Variants in SCIMP observed in about 807,000 individuals in gnomAD.
SCIMP encodes SLP adapter and CSK-interacting membrane protein.
A neutral mutation model predicts 22.0 loss-of-function variants in SCIMP; 18 were observed. The observed-to-expected ratio is 0.82, with a 90% CI of 0.56 to 1.21. The LOEUF is 1.21. Among genes scored for constraint, SCIMP ranks in the 50% most tolerant of loss-of-function variants. The pLI, the probability that SCIMP is intolerant of heterozygous loss-of-function variation, is 0.00. For missense variants in SCIMP, 155 were observed against 171.2 expected (o/e 0.91, Z 0.53); for synonymous variants, 53 against 62.2 (o/e 0.85, Z 0.70).
In SCIMP at chr17:5,223,459, G is replaced by T. The variant is rs756440354; in HGVS notation, c.22-3C>A. On this transcript the variant is annotated splice_region_variant and splice_polypyrimidine_tract_variant and intron_variant, in intron 1 of 4. Coordinates refer to ENST00000574081, the MANE Select transcript of SCIMP (RefSeq NM_207103.3). ...CACCAGCTCATTGCAGTGGAATCCT[G>T]AGAAGAATGGAGAGAGAAGAATGAG... The T allele has an allele frequency of 2.3e-5, 37 of 1,613,476 alleles. No individual in the cohort carries two copies. The highest frequency in any genetic ancestry group is 3.1e-5 in the Non-Finnish European group (37 of 1,179,572).
intron 2 of SCIMP, 48 bp downstream of exon 2, chr17:5,223,285 T>A: frequency 1.2e-6 from 2 of 1,608,678 alleles, no homozygotes; most frequent in Non-Finnish European, 1.7e-6. Context: ...ACTGCACCGA[T>A]AACCACCTGG....
At position 5,215,016 on chromosome 17, in the gene SCIMP, G is replaced by A. The variant is rs1339858935; in HGVS notation, c.210-18C>T. ...GAACATTCCTAGAGAGAGAGAAAGAGAGAGAATCAGTGTTTGGTTTGGGCC... is the reference window on the plus strand; with the variant it reads ...GAACATTCCTAGAGAGAGAGAAAGAAAGAGAATCAGTGTTTGGTTTGGGCC... On this transcript the variant is annotated intron_variant, in intron 3 of 4. Coordinates refer to ENST00000574081, the MANE Select transcript of SCIMP (RefSeq NM_207103.3). 1.9e-6 allele frequency: 3 copies of A among 1,559,688 alleles called. No individual in the cohort carries two copies. Among genetic ancestry groups the A allele is most frequent in the South Asian group, 2.2e-5 (2 of 89,774 alleles).
chr17:5,234,641 G>C, intron 1 of SCIMP, 94 bp downstream of exon 1: 1 of 1,340,240 alleles, frequency 7.5e-7, no homozygotes, highest in Non-Finnish European at 1.1e-6. Context: ...AGTGCTGATC[G>C]GTGGCTCCCA....
rs144626075 is a variant in SCIMP at position 5,231,278 on chromosome 17, A to G, written c.21+3457T>C. Among the ~76,000 whole-genome samples, 683 of 151,486 alleles carry G rather than the reference A, an allele frequency of 4.5e-3. 7 individuals are homozygous for G. Among genetic ancestry groups the G allele is most frequent in the African/African-American group, 0.016 (661 of 41,252 alleles). ...GGAAGGCTGAGGGAGAATCATTTGA[A>G]CCCAGGAGGTAGAGGTTGCAGTGAG... On this transcript the variant is annotated intron_variant, in intron 1 of 4. Coordinates refer to ENST00000574081, the MANE Select transcript of SCIMP (RefSeq NM_207103.3).
intron 3 of SCIMP, chr17:5,220,886 C>T: frequency 3.0e-6 from 1 of 338,252 alleles, no homozygotes; most frequent in Non-Finnish European, 5.7e-6. Context: ...GGCGAAACCC[C>T]ATTTCTACTA....
At chr17:5,219,385 G>T (rs1778030122) in intron 3 of SCIMP, among the ~76,000 whole-genome samples, 2 of 151,994 alleles carry the variant, frequency 1.3e-5, no homozygotes, top group African/African-American at 4.8e-5. Flanking sequence ...CGAGCACTTT[G>T]GGAGGCCAAG....
intron 1 of SCIMP, among the ~76,000 whole-genome samples, chr17:5,232,389 A>AGT (rs1173984122): frequency 1.4e-4 from 22 of 152,090 alleles, no homozygotes; most frequent in East Asian, 7.7e-4. Flanking sequence ...TAAACAGTGC[A>AGT]GTATAAACAG....
At chr17:5,214,648 G>C (rs2074550674) in intron 4 of SCIMP, 2 of 367,036 alleles carry the variant, frequency 5.4e-6, no homozygotes, top group Non-Finnish European at 9.8e-6. Flanking sequence ...AGACCATCCT[G>C]GCTAACGCGG....
chr17:5,212,521 C>G (rs2074533080), intron 4 of SCIMP, among the ~76,000 whole-genome samples: 1 of 152,176 alleles, frequency 6.6e-6, no homozygotes. Flanking sequence ...GTAGTCCCAG[C>G]TACCCAGGAG....
chr17:5,233,645 A>AGAGGC (rs2074720198), intron 1 of SCIMP, among the ~76,000 whole-genome samples: 1 of 152,192 alleles, frequency 6.6e-6, no homozygotes, highest in South Asian at 2.1e-4. Flanking sequence ...TGCTGGGATT[A>AGAGGC]GAGGCGTGAG....
At chr17:5,221,659 A>G (rs982165074) in intron 2 of SCIMP, among the ~76,000 whole-genome samples, 1 of 152,220 alleles carries the variant, frequency 6.6e-6, no homozygotes, top group Non-Finnish European at 1.5e-5. Context: ...CTGTAGATGG[A>G]CATACACGTT....
In SCIMP at chr17:5,223,579, G is replaced by T. The variant is rs1250242276; in HGVS notation, c.22-123C>A. Reference sequence around the variant, plus strand: ...CTTTTCTGAGTCGGAGTCTCACTCTGTCGCCCAGGCTGGAGTGCAATGACG... The same window carrying T: ...CTTTTCTGAGTCGGAGTCTCACTCTTTCGCCCAGGCTGGAGTGCAATGACG... On this transcript the variant is annotated intron_variant, in intron 1 of 4. Coordinates refer to ENST00000574081, the MANE Select transcript of SCIMP (RefSeq NM_207103.3). 47 of 954,906 alleles carry T rather than the reference G, an allele frequency of 4.9e-5. No individual in the cohort carries two copies. The South Asian group carries it at 6.2e-4, about 13-fold the overall frequency. The allele number at this position is 954,906 out of a possible 1,614,324, so 59.2% of individuals were successfully genotyped here. A position where few individuals can be genotyped will look rare whatever the true frequency, so the allele number is the denominator to read the frequency against.
intron 1 of SCIMP, chr17:5,223,789 A>AT (rs1187789125): frequency 5.8e-6 from 2 of 345,212 alleles, no homozygotes; most frequent in Admixed American, 4.3e-5. Context: ...ACCTCAGGTG[A>AT]TTCACCTGTC....
At chr17:5,229,288 T>G (rs892154456) in intron 1 of SCIMP, among the ~76,000 whole-genome samples, 2 of 151,978 alleles carry the variant, frequency 1.3e-5, no homozygotes, top group Non-Finnish European at 2.9e-5. Context: ...ACACATCAGC[T>G]TCACTTTCAT....
At chr17:5,212,962 A>G (rs1169953746) in intron 4 of SCIMP, 1 of 153,252 alleles carries the variant, frequency 6.5e-6, no homozygotes, top group African/African-American at 3.0e-5. Context: ...AGTTTCATAA[A>G]GGAAATTAGC....
intron 2 of SCIMP, among the ~76,000 whole-genome samples, chr17:5,222,226 A>T (rs893600052): frequency 6.6e-6 from 1 of 150,772 alleles, no homozygotes; most frequent in Non-Finnish European, 1.5e-5. Flanking sequence ...AGTAGCTGGG[A>T]CTACAGGCGC....
chr17:5,219,398 G>A (rs1478339807), intron 3 of SCIMP, among the ~76,000 whole-genome samples: 1 of 152,034 alleles, frequency 6.6e-6, no homozygotes, highest in Non-Finnish European at 1.5e-5. Context: ...AGGCCAAGGT[G>A]GGTGGATCAC....
At chr17:5,226,504 C>CTTTT (rs1567842763) in intron 1 of SCIMP, among the ~76,000 whole-genome samples, 2 of 116,878 alleles carry the variant, frequency 1.7e-5, no homozygotes, top group Admixed American at 1.1e-4. Flanking sequence ...TTTTTTCTTT[C>CTTTT]TTTCTTTTTT....
At chr17:5,228,031 G>T (rs1352775947) in intron 1 of SCIMP, among the ~76,000 whole-genome samples, 2 of 152,076 alleles carry the variant, frequency 1.3e-5, no homozygotes, top group Non-Finnish European at 1.5e-5. Flanking sequence ...AATTAGCCAG[G>T]CATGGTGGTG....
Sources: gnomAD v4.1 joint callset for allele counts (sites outside exome capture counted in the v4.1 genomes callset) on GRCh38, gnomAD v4.1.1 for gene constraint, MANE v1.5 for transcripts, NCBI Gene and HGNC (gene_info 2026-07-23, HGNC 2026-07-21) for gene names.